TMTC3: variants seen among roughly 807,000 people sequenced by gnomAD.
TMTC3 encodes the protein protein O-mannosyl-transferase TMTC3.
In TMTC3, 52 loss-of-function variants were observed where a neutral mutation model predicts 92.2. The ratio of observed to expected loss-of-function variants is 0.56; its 90% confidence interval spans 0.45 to 0.71. TMTC3 has a LOEUF of 0.71. Ranked by LOEUF, TMTC3 falls within the 30% of genes least tolerant of loss-of-function variation. TMTC3 has a pLI of 0.00. For missense variants in TMTC3, 896 were observed against 1,057.1 expected (o/e 0.85, Z 2.11); for synonymous variants, 339 against 363.3 (o/e 0.93, Z 0.76).
chr12:88,189,476 TTA>T (rs2041419101), intron 11 of TMTC3, among the ~76,000 whole-genome samples: 1 of 152,190 alleles, frequency 6.6e-6, no homozygotes. Context: ...ATATTCTTGA[TTA>T]TGAGTTATCA....
In TMTC3 at chr12:88,190,697, G is replaced by GT. The variant is rs1008130426; in HGVS notation, c.1706+83dup. ...CTCCATGTACATTTTGAATGAATTG[G>GT]TTTTTTTTGAAAAAAAATTATGTTT... On this transcript the variant is annotated intron_variant, in intron 12 of 13. Transcript: ENST00000266712. 9.6e-5 allele frequency: 138 copies of GT among 1,442,084 alleles called. 1 individual carries two copies. The highest frequency in any genetic ancestry group is 1.9e-4 in the South Asian group (13 of 69,388). 89.3% of individuals were successfully genotyped at this position (1,442,084 alleles called of 1,614,324 possible). A position where few individuals can be genotyped will look rare whatever the true frequency, so the allele number is the denominator to read the frequency against.
chr12:88,176,409 C>A, intron 10 of TMTC3, 90 bp downstream of exon 10: 1 of 916,932 alleles, frequency 1.1e-6, no homozygotes, highest in Non-Finnish European at 1.6e-6. Flanking sequence ...TATTTACTAG[C>A]TTTATTCTGA....
chr12:88,192,706 G>A lies in TMTC3; in HGVS notation c.1809G>A (p.Leu603=). Residue 603 remains leucine, a synonymous_variant, in exon 13 of 14, where the codon TTG becomes TTA. Transcript: ENST00000266712. The part of the protein sequence containing the change: ...DRNNADLWYN[L]AIVHIELKEP... ...ATAATGCAGATCTTTGGTACAACTT[G>A]GCAATTGTACATATTGAACTTAAAG... 1.2e-6 allele frequency: 2 copies of A among 1,613,344 alleles called. No homozygotes were observed. The highest frequency in any genetic ancestry group is 2.2e-5 in the South Asian group (2 of 91,052).
intron 7 of TMTC3, among the ~76,000 whole-genome samples, chr12:88,167,090 C>T (rs2041152871): frequency 6.8e-6 from 1 of 147,500 alleles, no homozygotes; most frequent in South Asian, 2.1e-4. Context: ...TATGTTTTCT[C>T]TCCCTTTTAA....
chr12:88,149,267 G>A (rs1350343782), intron 2 of TMTC3, among the ~76,000 whole-genome samples: 1 of 151,954 alleles, frequency 6.6e-6, no homozygotes, highest in Non-Finnish European at 1.5e-5. Flanking sequence ...TGTTTTGAAG[G>A]TCACTGTTAA....
chr12:88,158,173 A>G (rs1007161574), intron 4 of TMTC3, among the ~76,000 whole-genome samples: 1 of 152,246 alleles, frequency 6.6e-6, no homozygotes, highest in Admixed American at 6.5e-5. Flanking sequence ...CAAACTGGCT[A>G]TATAAACTGT....
chr12:88,164,516 A>C (rs1205927117), intron 6 of TMTC3, among the ~76,000 whole-genome samples: 2 of 152,206 alleles, frequency 1.3e-5, no homozygotes, highest in African/African-American at 4.8e-5. Context: ...GTTTAAAAAA[A>C]AATTATACCT....
At chr12:88,160,958 T>C (rs945007558) in intron 6 of TMTC3, 107 bp downstream of exon 6, 4 of 1,165,968 alleles carry the variant, frequency 3.4e-6, no homozygotes, top group Non-Finnish European at 3.6e-6. Flanking sequence ...AACAGTTTTA[T>C]TAAGCTATAA....
chr12:88,156,180 A>G lies in TMTC3; in HGVS notation c.508+1793A>G, dbSNP rs75280243. ...TTCTGATTTAGTAGTATATGTTATTATGTTTGTTCTCTCTGTTTTATGATT... is the reference window on the plus strand; with the variant it reads ...TTCTGATTTAGTAGTATATGTTATTGTGTTTGTTCTCTCTGTTTTATGATT... On this transcript the variant is annotated intron_variant, in intron 4 of 13. Coordinates refer to ENST00000266712, the MANE Select transcript of TMTC3 (RefSeq NM_181783.4). 4.3e-4 allele frequency among the ~76,000 whole-genome samples: 66 copies of G among 152,268 alleles called. No homozygotes were observed. The East Asian group carries it at 0.011, about 26-fold the overall frequency.
Position 88,196,599 on chromosome 12 carries a change from G to C in TMTC3, c.*950G>C, listed in dbSNP as rs1176633428. 1 of 151,690 alleles carries C rather than the reference G, an allele frequency of 6.6e-6. No homozygotes were observed. Among genetic ancestry groups the C allele is most frequent in the Non-Finnish European group, 1.5e-5 (1 of 67,790 alleles). The allele number at this position is 151,690 out of a possible 1,614,324, so 9.4% of individuals were successfully genotyped here. On this transcript the variant is annotated 3_prime_UTR_variant, in exon 14 of 14. Transcript: ENST00000266712. ...ATTGAATTATTCTTAGATACCTTAA[G>C]CCACTGAATTCAGTTCTGTTTGACT...
chr12:88,154,047 TC>T (rs1308121602), intron 3 of TMTC3, among the ~76,000 whole-genome samples: 1 of 152,036 alleles, frequency 6.6e-6, no homozygotes, highest in Non-Finnish European at 1.5e-5. Context: ...TTTTGAAACT[TC>T]CTATAAGTCT....
chr12:88,168,565 G>GTACTCAGC (rs1441188758), intron 7 of TMTC3, among the ~76,000 whole-genome samples: 2 of 152,162 alleles, frequency 1.3e-5, no homozygotes, highest in African/African-American at 4.8e-5. Flanking sequence ...TTTTATTGGC[G>GTACTCAGC]TACTCAGCTA....
At chr12:88,160,322 A>G (rs2041061653) in intron 5 of TMTC3, 93 bp downstream of exon 5, 1 of 676,072 alleles carries the variant, frequency 1.5e-6, no homozygotes, top group Non-Finnish European at 2.2e-6. Flanking sequence ...TAAATGTATC[A>G]TTATGTAAAT....
chr12:88,160,713 A>T lies in TMTC3; in HGVS notation c.659A>T (p.Gln220Leu), dbSNP rs753393282. 6.2e-7 allele frequency: 1 copy of T among 1,613,558 alleles called. No homozygotes were observed. The highest frequency in any genetic ancestry group is 1.1e-5 in the South Asian group (1 of 91,008). ...TLPLLCTTAG[Q>L]FLRGKGSIPF... is the part of the protein sequence containing the mutation. ...CCATTACTATGTACTACTGCTGGAC[A>T]GTTTCTCCGTGGAAAGGGTAGCATT... The change falls in exon 6 of 14, where the codon CAG becomes CTG. Residue 220 changes from glutamine (Q) to leucine (L), a missense_variant. By Grantham distance (113) the Gln-to-Leu change is moderately radical. Transcript: ENST00000266712.
At chr12:88,187,375 C>A (rs980361458) in intron 10 of TMTC3, among the ~76,000 whole-genome samples, 5 of 152,090 alleles carry the variant, frequency 3.3e-5, no homozygotes, top group Non-Finnish European at 4.4e-5. Flanking sequence ...GCCTTTGACA[C>A]TTTTTATGAA....
At chr12:88,184,775 AAT>A (rs143465873) in intron 10 of TMTC3, among the ~76,000 whole-genome samples, 62 of 150,996 alleles carry the variant, frequency 4.1e-4, no homozygotes, top group Admixed American at 1.1e-3. Flanking sequence ...ACCACATGTA[AAT>A]ATATATATAT....
In TMTC3 at chr12:88,174,648, TACTC is replaced by T. The variant is rs777681068; in HGVS notation, c.1247_1250del (p.Thr416IlefsTer3). The T allele has an allele frequency of 3.8e-5, 62 of 1,612,424 alleles. No individual in the cohort carries two copies. The highest frequency in any genetic ancestry group is 4.8e-5 in the Non-Finnish European group (57 of 1,179,024). On this transcript the variant is annotated frameshift_variant, in exon 9 of 14. Coordinates refer to ENST00000266712, the MANE Select transcript of TMTC3 (RefSeq NM_181783.4). LOFTEE classifies it high-confidence loss of function. ...TCCTGGATTTGTCTGTCTATGGTGA[TACTC>T]ACTCATTCCTTAAAAACATTCCACA... is the stretch of plus-strand genomic sequence containing the variant.
At chr12:88,160,272 T>A (rs991982535) in intron 5 of TMTC3, 43 bp downstream of exon 5, 1 of 1,116,872 alleles carries the variant, frequency 9.0e-7, no homozygotes, top group Non-Finnish European at 1.2e-6. Context: ...ATTGATATAT[T>A]TTATCCTAGT....
intron 1 of TMTC3, among the ~76,000 whole-genome samples, chr12:88,142,836 G>T (rs996797228): frequency 6.6e-6 from 1 of 152,110 alleles, no homozygotes; most frequent in African/African-American, 2.4e-5. Context: ...CGGATCGTGG[G>T]GCTTGATGGT....
Sources: gnomAD v4.1 joint callset for allele counts (sites outside exome capture counted in the v4.1 genomes callset) on GRCh38, gnomAD v4.1.1 for gene constraint, MANE v1.5 for transcripts, NCBI Gene and HGNC (gene_info 2026-07-23, HGNC 2026-07-21) for gene names.